The following TCF4 variants were observed in gnomAD, a reference collection of about 807,000 sequenced individuals.
The protein encoded by TCF4 is transcription factor 4, also known as SL3-3 enhancer factor 2.
A neutral mutation model predicts 82.1 loss-of-function variants in TCF4; 3 were observed. That is an observed-to-expected ratio of 0.04 (90% CI 0.02 to 0.09). TCF4 has a LOEUF of 0.09. Among genes scored for constraint, TCF4 ranks in the 10% least tolerant of loss-of-function variants. The probability of loss-of-function intolerance (pLI) is 1.00; values close to 1 mark genes in which losing one functional copy is unlikely to be tolerated. For missense variants in TCF4, 518 were observed against 852.7 expected (o/e 0.61, Z 4.89); for synonymous variants, 276 against 309.6 (o/e 0.89, Z 1.14).
chr18:55,442,797 G>T (rs141265872), intron 5 of TCF4, among the ~76,000 whole-genome samples: 1 of 152,288 alleles, frequency 6.6e-6, no homozygotes, highest in Non-Finnish European at 1.5e-5. Flanking sequence ...GTGCATAGAA[G>T]AACTTTTGCA....
At chr18:55,308,733 G>A (rs2071220718) in intron 8 of TCF4, among the ~76,000 whole-genome samples, 1 of 152,102 alleles carries the variant, frequency 6.6e-6, no homozygotes. Context: ...TTTAAATTCA[G>A]TTGAGATAAG....
At chr18:55,365,868 GACA>G (rs1199203886) in intron 6 of TCF4, among the ~76,000 whole-genome samples, 3 of 151,946 alleles carry the variant, frequency 2.0e-5, no homozygotes, top group African/African-American at 7.3e-5. Context: ...CTCCAGCCTG[GACA>G]ACAAGAGCAA....
At chr18:55,321,826 T>C (rs933016165) in intron 8 of TCF4, 4 of 1,499,540 alleles carry the variant, frequency 2.7e-6, no homozygotes, top group Non-Finnish European at 3.6e-6. Context: ...ATTCCTTCAG[T>C]TGCATTTTCC....
chr18:55,416,591 A>C (rs1326890994), intron 5 of TCF4, among the ~76,000 whole-genome samples: 10 of 152,232 alleles, frequency 6.6e-5, no homozygotes, highest in Admixed American at 6.5e-4. Flanking sequence ...CATCCTTCAT[A>C]AACTTGAGAG....
At chr18:55,587,971 G>T in intron 1 of TCF4, 67 bp downstream of exon 1, 1 of 956,056 alleles carries the variant, frequency 1.0e-6, no homozygotes, top group Non-Finnish European at 1.2e-6. Context: ...GTGCGGGGCC[G>T]CCGAGCCCGA....
chr18:55,261,708 T>C (rs1467338211), intron 11 of TCF4, among the ~76,000 whole-genome samples, 175 bp from the exon 12 acceptor site: 3 of 152,186 alleles, frequency 2.0e-5, no homozygotes, highest in Non-Finnish European at 4.4e-5. Flanking sequence ...TTCATGTTAC[T>C]TTTTTACAGA....
Position 55,350,861 on chromosome 18 carries a change from AG to A in TCF4, c.499+12del. On this transcript the variant is annotated intron_variant, in intron 7 of 19. Coordinates refer to ENST00000354452, the MANE Select transcript of TCF4 (RefSeq NM_001083962.2). Reference sequence around the variant, plus strand: ...AATCATCCCTCAGGCATTCAAACAAAGGAATACCTTACCCATGGCACTACTG... The same window carrying A: ...AATCATCCCTCAGGCATTCAAACAAAGAATACCTTACCCATGGCACTACTG... 6.2e-7 allele frequency: 1 copy of A among 1,613,160 alleles called. No individual in the cohort carries two copies. Among genetic ancestry groups the A allele is most frequent in the Non-Finnish European group, 8.5e-7 (1 of 1,179,296 alleles).
At chr18:55,385,058 C>T in intron 6 of TCF4, among the ~76,000 whole-genome samples, 1 of 151,958 alleles carries the variant, frequency 6.6e-6, no homozygotes, top group Non-Finnish European at 1.5e-5. Flanking sequence ...TCTTCCTCTG[C>T]CCCCACCCCG....
At chr18:55,540,528 T>A (rs1330099041) in intron 3 of TCF4, among the ~76,000 whole-genome samples, 1 of 152,026 alleles carries the variant, frequency 6.6e-6, no homozygotes, top group East Asian at 1.9e-4. Context: ...CCTCCCACAG[T>A]TTGCCTAATC....
chr18:55,634,300 A>C (rs1003654548), intron 1 of TCF4, among the ~76,000 whole-genome samples: 11 of 152,214 alleles, frequency 7.2e-5, no homozygotes, highest in Admixed American at 3.3e-4. Flanking sequence ...CAAAAAAAAA[A>C]ACTAGAATTT....
At chr18:55,362,377 G>GGAAAGAAA (rs1491561919) in intron 6 of TCF4, among the ~76,000 whole-genome samples, 1 of 93,968 alleles carries the variant, frequency 1.1e-5, no homozygotes, top group Non-Finnish European at 2.0e-5. Flanking sequence ...AAGGAAGGAA[G>GGAAAGAAA]GAAGGAAGGA....
chr18:55,352,937 G>A (rs1176442798), intron 6 of TCF4, among the ~76,000 whole-genome samples: 1 of 152,144 alleles, frequency 6.6e-6, no homozygotes, highest in Non-Finnish European at 1.5e-5. Context: ...ATCTACGAAT[G>A]AGTCTTCATT....
intron 3 of TCF4, among the ~76,000 whole-genome samples, chr18:55,540,352 T>C (rs1366385765): frequency 6.6e-6 from 1 of 152,162 alleles, no homozygotes; most frequent in African/African-American, 2.4e-5. Flanking sequence ...TTATGATATT[T>C]TGTCTAATAG....
At chr18:55,366,875 T>C (rs2087309106) in intron 6 of TCF4, among the ~76,000 whole-genome samples, 1 of 152,216 alleles carries the variant, frequency 6.6e-6, no homozygotes, top group Non-Finnish European at 1.5e-5. Context: ...ATACACAAAT[T>C]TCCATATTTC....
chr18:55,294,353 A>G (rs1331945577), intron 8 of TCF4, among the ~76,000 whole-genome samples: 1 of 152,146 alleles, frequency 6.6e-6, no homozygotes, highest in Non-Finnish European at 1.5e-5. Context: ...ACTCCTTAGG[A>G]GCAAAGATTG....
chr18:55,343,633 G>C (rs887542977), intron 8 of TCF4, among the ~76,000 whole-genome samples: 1 of 152,038 alleles, frequency 6.6e-6, no homozygotes, highest in African/African-American at 2.4e-5. Flanking sequence ...AGAAACTTCT[G>C]CACTACCTTA....
intron 3 of TCF4, among the ~76,000 whole-genome samples, chr18:55,573,688 T>C (rs569438794): frequency 1.3e-5 from 2 of 152,352 alleles, no homozygotes; most frequent in South Asian, 4.1e-4. Flanking sequence ...GGCTGATCTC[T>C]GAGCCCTTCC....
At chr18:55,480,650 T>C (rs2096407001) in intron 3 of TCF4, among the ~76,000 whole-genome samples, 1 of 152,222 alleles carries the variant, frequency 6.6e-6, no homozygotes, top group South Asian at 2.1e-4. Context: ...TGTCACCTTG[T>C]GTAAGGCGTG....
chr18:55,557,095 T>G (rs996814608), intron 3 of TCF4, among the ~76,000 whole-genome samples: 1 of 152,210 alleles, frequency 6.6e-6, no homozygotes, highest in Non-Finnish European at 1.5e-5. Context: ...GATCAACTAA[T>G]TCATATCGGT....
Sources: allele counts gnomAD v4.1 joint callset (sites outside exome capture counted in the v4.1 genomes callset), GRCh38; gene constraint gnomAD v4.1.1; transcripts MANE v1.5; gene names NCBI Gene and HGNC (gene_info 2026-07-23, HGNC 2026-07-21).